The following ELAVL2 variants were observed in gnomAD, a reference collection of about 807,000 sequenced individuals.
ELAVL2 encodes the protein ELAV-like protein 2.
Under a neutral mutation model 34.6 loss-of-function variants are expected in ELAVL2, and 4 were observed. The observed-to-expected ratio is 0.12, with a 90% CI of 0.06 to 0.26. The LOEUF is 0.26. ELAVL2 is among the 10% of genes least tolerant of loss of function. The pLI is 1.00. For missense variants in ELAVL2, 432 were observed against 442.8 expected, an observed-to-expected ratio of 0.98 and a Z score of 0.22; for synonymous variants, 193 against 154.8, an observed-to-expected ratio of 1.25 and a Z score of -1.83.
chr9:23,796,539 C>A (rs1488787489), intron 1 of ELAVL2, among the ~76,000 whole-genome samples: 1 of 152,226 alleles, frequency 6.6e-6, no homozygotes, highest in Non-Finnish European at 1.5e-5. Flanking sequence ...GGTAAACCCA[C>A]AAAATTGCCA....
intron 3 of ELAVL2, among the ~76,000 whole-genome samples, chr9:23,712,432 A>T (rs1355655032): frequency 6.6e-6 from 1 of 152,190 alleles, no homozygotes; most frequent in African/African-American, 2.4e-5. Context: ...GTATACACAT[A>T]AGGAAATAAT....
intron 1 of ELAVL2, among the ~76,000 whole-genome samples, chr9:23,817,838 T>C (rs1196536780): frequency 6.6e-6 from 1 of 152,194 alleles, no homozygotes. Flanking sequence ...GACTTTTAAT[T>C]CAGACTCCAA....
intron 3 of ELAVL2, among the ~76,000 whole-genome samples, chr9:23,721,739 T>A (rs959127133): frequency 6.6e-6 from 1 of 152,236 alleles, no homozygotes; most frequent in African/African-American, 2.4e-5. Context: ...GGAAGGATCC[T>A]TATGATGATC....
chr9:23,779,802 T>A (rs1279907138), intron 1 of ELAVL2, among the ~76,000 whole-genome samples: 1 of 151,758 alleles, frequency 6.6e-6, no homozygotes, highest in African/African-American at 2.4e-5. Flanking sequence ...TTTCACCTCT[T>A]CTCATTAACT....
chr9:23,701,568 T>C lies in ELAVL2; in HGVS notation c.524A>G (p.Lys175Arg). Residue 175 changes from lysine to arginine, a missense_variant, in exon 5 of 7, where the codon AAG (lysine) becomes AGG (arginine). This residue lies in a region of ELAVL2 where 295 missense variants were observed against 306.1 expected (regional missense o/e 0.96). Transcript: ENST00000397312. ...GATAGCTTCTTCTGCCTCAATTCGC[T>C]TGTCAAATCGAATAAACCCTACACC... ...SRGVGFIRFD[K>R]RIEAEEAIKG... 1 of 1,614,064 alleles carries C rather than the reference T, an allele frequency of 6.2e-7. No homozygotes were observed. Among genetic ancestry groups the C allele is most frequent in the Non-Finnish European group, 8.5e-7 (1 of 1,179,984 alleles).
At chr9:23,745,395 C>G (rs142158729) in intron 2 of ELAVL2, among the ~76,000 whole-genome samples, 1 of 152,272 alleles carries the variant, frequency 6.6e-6, no homozygotes, top group Non-Finnish European at 1.5e-5. Context: ...CCACCACCAT[C>G]TTTTCACTTT....
At chr9:23,789,657 A>G (rs1263654250) in intron 1 of ELAVL2, among the ~76,000 whole-genome samples, 1 of 152,192 alleles carries the variant, frequency 6.6e-6, no homozygotes, top group Admixed American at 6.5e-5. Context: ...TCTTTTAGCT[A>G]AATGATCCGA....
At chr9:23,763,431 G>A (rs978953700) in intron 1 of ELAVL2, among the ~76,000 whole-genome samples, 1 of 152,026 alleles carries the variant, frequency 6.6e-6, no homozygotes, top group Admixed American at 6.6e-5. Flanking sequence ...TCACTGAAAG[G>A]ATTATCCTTC....
intron 1 of ELAVL2, among the ~76,000 whole-genome samples, chr9:23,770,989 G>A (rs1182621470): frequency 6.6e-6 from 1 of 152,090 alleles, no homozygotes; most frequent in African/African-American, 2.4e-5. Context: ...GAACACATAG[G>A]GCCTTGAAGG....
intron 3 of ELAVL2, among the ~76,000 whole-genome samples, chr9:23,719,283 G>A (rs561261625): frequency 1.3e-5 from 2 of 152,218 alleles, no homozygotes; most frequent in Admixed American, 6.5e-5. Flanking sequence ...TAATTAAACC[G>A]CCAAATAGTA....
At chr9:23,757,685 T>C (rs1368190911) in intron 2 of ELAVL2, among the ~76,000 whole-genome samples, 1 of 152,004 alleles carries the variant, frequency 6.6e-6, no homozygotes, top group East Asian at 1.9e-4. Context: ...TCATGATGAA[T>C]GCCTATAGAT....
At chr9:23,704,151 T>TTTTTTTTTTTTTTTTTTTTTTTTTGA (rs1473637219) in intron 4 of ELAVL2, among the ~76,000 whole-genome samples, 4 of 151,730 alleles carry the variant, frequency 2.6e-5, no homozygotes, top group South Asian at 2.1e-4. Flanking sequence ...ACGCTGGTCT[T>TTTTTTTTTTTTTTTTTTTTTTTTTGA]GAACTCCCAG....
rs1442715870 is a variant in ELAVL2, at chr9:23,762,099, G to C, written c.136C>G (p.Leu46Val). 6.2e-7 allele frequency: 1 copy of C among 1,613,516 alleles called. No individual in the cohort carries two copies. Among genetic ancestry groups the C allele is most frequent in the East Asian group, 2.2e-5 (1 of 44,864 alleles). The change falls in exon 2 of 7, where the codon CTT becomes GTT. Residue 46 changes from leucine to valine, a missense_variant. Leu to Val is a conservative substitution (Grantham distance 32). Coordinates refer to ENST00000397312, the MANE Select transcript of ELAVL2 (RefSeq NM_004432.5). ...DSKTNLIVNY[L>V]PQNMTQEELK... Reference sequence around the variant, plus strand: ...TCCTCCTGTGTCATGTTCTGAGGAAGGTAGTTGACTATTAAGTTGGTCTTG... The same window carrying C: ...TCCTCCTGTGTCATGTTCTGAGGAACGTAGTTGACTATTAAGTTGGTCTTG...
intron 3 of ELAVL2, among the ~76,000 whole-genome samples, chr9:23,728,974 A>G (rs1001708099): frequency 6.6e-6 from 1 of 152,142 alleles, no homozygotes; most frequent in Non-Finnish European, 1.5e-5. Flanking sequence ...ATGTCACACT[A>G]TAAAAGCCAC....
intron 1 of ELAVL2, among the ~76,000 whole-genome samples, chr9:23,773,153 C>T (rs186859185): frequency 2.8e-4 from 43 of 152,212 alleles, no homozygotes; most frequent in Admixed American, 1.6e-3. Context: ...TTGCTAAGGG[C>T]GAGAAGTATC....
At chr9:23,719,313 G>C (rs1018752233) in intron 3 of ELAVL2, among the ~76,000 whole-genome samples, 2 of 152,186 alleles carry the variant, frequency 1.3e-5, no homozygotes, top group African/African-American at 4.8e-5. Context: ...CCACTTGGCA[G>C]ATAAATGTTC....
intron 1 of ELAVL2, among the ~76,000 whole-genome samples, chr9:23,780,428 T>C (rs2058905881): frequency 6.6e-6 from 1 of 152,194 alleles, no homozygotes; most frequent in Non-Finnish European, 1.5e-5. Flanking sequence ...GAAAATGGCT[T>C]TTTAAGCATA....
chr9:23,731,473 G>A (rs1225604274), intron 2 of ELAVL2, among the ~76,000 whole-genome samples: 1 of 152,142 alleles, frequency 6.6e-6, no homozygotes, highest in East Asian at 1.9e-4. Flanking sequence ...GGGCTTAACA[G>A]GCAATACCTT....
At chr9:23,762,808 A>G (rs2055341372) in intron 1 of ELAVL2, among the ~76,000 whole-genome samples, 1 of 152,144 alleles carries the variant, frequency 6.6e-6, no homozygotes, top group Admixed American at 6.6e-5. Flanking sequence ...ACATATTGAA[A>G]ACGTTTTTGA....
Sources: allele counts gnomAD v4.1 joint callset (sites outside exome capture counted in the v4.1 genomes callset), GRCh38; gene constraint gnomAD v4.1.1; regional missense constraint gnomAD v4.1.1; transcripts MANE v1.5; gene names NCBI Gene and HGNC (gene_info 2026-07-23, HGNC 2026-07-21).